Variants in ITCH observed in about 807,000 individuals in gnomAD.
The protein encoded by ITCH is E3 ubiquitin-protein ligase Itchy homolog.
In ITCH, 28 loss-of-function variants were observed where a neutral mutation model predicts 126.8. The observed-to-expected ratio is 0.22, with a 90% CI of 0.16 to 0.30. ITCH has a LOEUF of 0.30. Among genes scored for constraint, ITCH ranks in the 10% least tolerant of loss-of-function variants. The pLI is 1.00. For missense variants in ITCH, 631 were observed against 1,032.4 expected, an observed-to-expected ratio of 0.61 and a Z score of 5.33; for synonymous variants, 342 against 340.0, an observed-to-expected ratio of 1.01 and a Z score of -0.06.
chr20:34,388,476 C>T (rs73255064), intron 2 of ITCH, among the ~76,000 whole-genome samples: 2,954 of 152,152 alleles, frequency 0.019, 89 homozygotes, highest in African/African-American at 0.059. Flanking sequence ...CCTCTACCTG[C>T]TGGTCTCTGG....
chr20:34,461,031 C>CT (rs1421862942), intron 13 of ITCH, among the ~76,000 whole-genome samples: 1 of 151,974 alleles, frequency 6.6e-6, no homozygotes, highest in African/African-American at 2.4e-5. Flanking sequence ...TTAAAAGAAT[C>CT]TTTTTTTGAG....
At chr20:34,488,369 T>A (rs1989279473) in intron 20 of ITCH, among the ~76,000 whole-genome samples, 1 of 152,168 alleles carries the variant, frequency 6.6e-6, no homozygotes, top group Non-Finnish European at 1.5e-5. Context: ...ATTTATGTTT[T>A]AAAAAATAAT....
At chr20:34,400,856 C>T (rs1351697067) in intron 3 of ITCH, among the ~76,000 whole-genome samples, 1 of 151,926 alleles carries the variant, frequency 6.6e-6, no homozygotes, top group Non-Finnish European at 1.5e-5. Flanking sequence ...CTCCCAGGTT[C>T]AAGCAATTCT....
At chr20:34,476,416 G>T (rs867394677) in intron 16 of ITCH, 12 of 1,236,862 alleles carry the variant, frequency 9.7e-6, no homozygotes, top group Non-Finnish European at 1.0e-5. Flanking sequence ...CCGGCCGGCC[G>T]GGTCGCCGAG....
At chr20:34,402,399 A>G (rs530083675) in intron 3 of ITCH, 1 of 784,340 alleles carries the variant, frequency 1.3e-6, no homozygotes, top group East Asian at 2.4e-5. Flanking sequence ...GCAACAAAGG[A>G]GTCTTTGGAC....
At chr20:34,458,157 A>G (rs1568964579) in intron 13 of ITCH, among the ~76,000 whole-genome samples, 1 of 152,156 alleles carries the variant, frequency 6.6e-6, no homozygotes, top group Non-Finnish European at 1.5e-5. Flanking sequence ...TTTACTGGAA[A>G]TTTAGTATCT....
intron 11 of ITCH, among the ~76,000 whole-genome samples, chr20:34,448,914 A>G (rs73902637): frequency 0.057 from 8,575 of 151,736 alleles, 779 homozygotes; most frequent in African/African-American, 0.2. Context: ...CCAGCTGGAA[A>G]CCTTTCCTTC....
intron 23 of ITCH, among the ~76,000 whole-genome samples, chr20:34,500,502 C>T (rs1379160381): frequency 6.6e-6 from 1 of 152,118 alleles, no homozygotes; most frequent in Non-Finnish European, 1.5e-5. Flanking sequence ...CTTTGGATTT[C>T]CATTTCCATG....
At chr20:34,437,774 C>T (rs1983214473) in intron 7 of ITCH, among the ~76,000 whole-genome samples, 1 of 152,164 alleles carries the variant, frequency 6.6e-6, no homozygotes, top group Non-Finnish European at 1.5e-5. Flanking sequence ...ATGACTAGAG[C>T]CCCTCTGGAA....
intron 23 of ITCH, among the ~76,000 whole-genome samples, chr20:34,497,208 G>A (rs1989946669): frequency 6.6e-6 from 1 of 152,028 alleles, no homozygotes; most frequent in Non-Finnish European, 1.5e-5. Flanking sequence ...TGTTGGTCAG[G>A]CTGGTCTTGA....
chr20:34,455,278 T>G (rs1985769615), intron 12 of ITCH, among the ~76,000 whole-genome samples: 1 of 152,316 alleles, frequency 6.6e-6, no homozygotes, highest in African/African-American at 2.4e-5. Flanking sequence ...AATACATCAG[T>G]TCATTCTATG....
At chr20:34,483,719 C>T (rs536279260) in intron 20 of ITCH, among the ~76,000 whole-genome samples, 6 of 152,214 alleles carry the variant, frequency 3.9e-5, no homozygotes, top group Non-Finnish European at 7.3e-5. Flanking sequence ...ACTGTTCCAA[C>T]GTCTGCCTGT....
intron 7 of ITCH, among the ~76,000 whole-genome samples, chr20:34,425,745 A>T (rs775810422): frequency 6.6e-6 from 1 of 152,118 alleles, no homozygotes; most frequent in Non-Finnish European, 1.5e-5. Context: ...TTCCCTGCTG[A>T]CCTTCTCCCC....
At chr20:34,374,023 T>C (rs1280817488) in intron 2 of ITCH, among the ~76,000 whole-genome samples, 4 of 152,174 alleles carry the variant, frequency 2.6e-5, no homozygotes, top group African/African-American at 9.6e-5. Context: ...TAGCTGGGAC[T>C]ACAGGTGCCC....
intron 14 of ITCH, among the ~76,000 whole-genome samples, chr20:34,464,688 C>T (rs1430722002): frequency 6.6e-6 from 1 of 151,934 alleles, no homozygotes; most frequent in African/African-American, 2.4e-5. Context: ...ATTTCCAAAT[C>T]CAGTGTCATA....
chr20:34,461,375 G>A (rs1986483998), intron 13 of ITCH, among the ~76,000 whole-genome samples: 1 of 152,138 alleles, frequency 6.6e-6, no homozygotes, highest in African/African-American at 2.4e-5. Flanking sequence ...CAGGCCTAGA[G>A]TGAGATCAGA....
chr20:34,368,338 A>G (rs1214076526), intron 1 of ITCH, among the ~76,000 whole-genome samples: 1 of 151,172 alleles, frequency 6.6e-6, no homozygotes. Flanking sequence ...TTGTTTTGCC[A>G]CTTTCTTTCT....
In ITCH at chr20:34,413,893, T is replaced by G. The variant is rs2146174510; in HGVS notation, c.475+14T>G. The stretch of plus-strand genomic sequence containing the variant: ...CATGTTCAGAAAGTAAGTGACTACC[T>G]TTTTAAGGTCTTTAATGATTCTTCT... On this transcript the variant is annotated intron_variant, in intron 6 of 24. Coordinates refer to ENST00000374864, the MANE Select transcript of ITCH (RefSeq NM_031483.7). The G allele has an allele frequency of 6.3e-7, 1 of 1,596,422 alleles. No individual in the cohort carries two copies. The highest frequency in any genetic ancestry group is 1.7e-4 in the Middle Eastern group (1 of 6,022).
rs1978343786 is a variant in ITCH at position 34,508,027 on chromosome 20, A to G, written c.*233A>G. 1 of 483,682 alleles carries G rather than the reference A, an allele frequency of 2.1e-6. No homozygotes were observed. The highest frequency in any genetic ancestry group is 3.9e-5 in the East Asian group (1 of 25,898). The allele number at this position is 483,682 out of a possible 1,614,324, so 30.0% of individuals were successfully genotyped here. A position where few individuals can be genotyped will look rare whatever the true frequency, so the allele number is the denominator to read the frequency against. On this transcript the variant is annotated 3_prime_UTR_variant, in exon 25 of 25. Transcript: ENST00000374864. ...TTGCTTAACATGAGATTTTAACACA[A>G]CAATGAAATTTGCCTTGTCTTATTC... is the stretch of plus-strand genomic sequence containing the variant.
Sources: gnomAD v4.1 joint callset for allele counts (sites outside exome capture counted in the v4.1 genomes callset) on GRCh38, gnomAD v4.1.1 for gene constraint, MANE v1.5 for transcripts, NCBI Gene and HGNC (gene_info 2026-07-23, HGNC 2026-07-21) for gene names.